The following WDPCP variants were observed in gnomAD, a reference collection of about 807,000 sequenced individuals.
The protein encoded by WDPCP is WD repeat containing planar cell polarity effector, also known as WD repeat-containing and planar cell polarity effector protein fritz homolog.
WDPCP carries 71 observed loss-of-function variants against 93.1 expected under a neutral mutation model. That is an observed-to-expected ratio of 0.76 (90% CI 0.63 to 0.93). WDPCP has a LOEUF of 0.93. WDPCP is among the 40% of genes least tolerant of loss of function. The pLI is 0.00. For synonymous variants in WDPCP, 315 were observed against 315.0 expected, an observed-to-expected ratio of 1.00 and a Z score of 0.00; for missense variants, 844 against 887.4, an observed-to-expected ratio of 0.95 and a Z score of 0.62.
Position 63,191,470 on chromosome 2 carries a change from T to TA in WDPCP, c.1916-16639dup, listed in dbSNP as rs540242699. 1.4e-4 allele frequency among the ~76,000 whole-genome samples: 21 copies of TA among 152,238 alleles called. No individual in the cohort carries two copies. In the East Asian group the frequency reaches 1.7e-3, roughly 13 times the overall value. ...GTGCAATGGAAGCTACCCTAATTCA[T>TA]AAAAAAATGGAGGGATTTAGCATAA... On this transcript the variant is annotated intron_variant, in intron 14 of 17. Transcript: ENST00000272321.
chr2:63,177,134 C>T (rs1006117742), intron 14 of WDPCP, among the ~76,000 whole-genome samples: 1 of 152,112 alleles, frequency 6.6e-6, no homozygotes, highest in African/African-American at 2.4e-5. Flanking sequence ...TGTGTTTATG[C>T]CAGTACTAAT....
chr2:63,204,601 C>T lies in WDPCP; in HGVS notation c.1916-29769G>A, dbSNP rs895121307. 5.3e-5 allele frequency among the ~76,000 whole-genome samples: 8 copies of T among 152,080 alleles called. No individual in the cohort carries two copies. The East Asian group carries it at 9.7e-4, about 18-fold the overall frequency. On this transcript the variant is annotated intron_variant, in intron 14 of 17. Transcript: ENST00000272321. Reference sequence around the variant, plus strand: ...AGGTGATCTGCCCGCCTCAGCCTCCCGAAGTGTTGGGATGACAGGCATGAG... The same window carrying T: ...AGGTGATCTGCCCGCCTCAGCCTCCTGAAGTGTTGGGATGACAGGCATGAG...
intron 14 of WDPCP, among the ~76,000 whole-genome samples, chr2:63,231,633 G>A (rs1226668781): frequency 1.3e-5 from 2 of 152,086 alleles, no homozygotes; most frequent in South Asian, 2.1e-4. Flanking sequence ...GGGATGTGAA[G>A]GACCTCTTCA....
At chr2:63,308,743 G>C (rs1016566376) in intron 13 of WDPCP, among the ~76,000 whole-genome samples, 1 of 152,112 alleles carries the variant, frequency 6.6e-6, no homozygotes. Flanking sequence ...AGGCCTGTCA[G>C]GGGGTCGGGG....
At chr2:63,734,456 A>G (rs981478709) in intron 2 of WDPCP, among the ~76,000 whole-genome samples, 1 of 152,190 alleles carries the variant, frequency 6.6e-6, no homozygotes, top group Non-Finnish European at 1.5e-5. Flanking sequence ...CTATTTAGGT[A>G]CACATTTTCC....
At position 63,430,446 on chromosome 2, in the gene WDPCP, T is replaced by C. The variant is rs536704382; in HGVS notation, c.825+3299A>G. On this transcript the variant is annotated intron_variant, in intron 9 of 17. Coordinates refer to ENST00000272321, the MANE Select transcript of WDPCP (RefSeq NM_015910.7). ...ACAACTACCATGTTATATGTGATGA[T>C]CTACATAGAGAACATTAAAATATAT... Among the ~76,000 whole-genome samples the C allele has an allele frequency of 2.0e-3, 300 of 152,352 alleles. 2 individuals carry two copies. Among genetic ancestry groups the C allele is most frequent in the African/African-American group, 6.6e-3 (275 of 41,584 alleles).
intron 14 of WDPCP, among the ~76,000 whole-genome samples, chr2:63,207,770 T>C (rs1173756238): frequency 1.3e-5 from 2 of 152,174 alleles, no homozygotes; most frequent in Non-Finnish European, 2.9e-5. Context: ...ATAAAGTTTT[T>C]TTCTATTTCA....
chr2:63,809,904 T>G (rs1396045861), intron 2 of WDPCP, among the ~76,000 whole-genome samples: 1 of 151,214 alleles, frequency 6.6e-6, no homozygotes, highest in Non-Finnish European at 1.5e-5. Flanking sequence ...CCAAGAATGA[T>G]CAATAAAAAA....
intron 6 of WDPCP, among the ~76,000 whole-genome samples, chr2:63,467,832 G>A (rs914486433): frequency 2.0e-5 from 3 of 150,176 alleles, no homozygotes; most frequent in Non-Finnish European, 4.4e-5. Flanking sequence ...TCAAGGGCAT[G>A]ATATTAAACT....
chr2:63,730,206 ATT>A (rs796496113), intron 2 of WDPCP, among the ~76,000 whole-genome samples: 5 of 144,974 alleles, frequency 3.4e-5, no homozygotes, highest in Admixed American at 6.9e-5. Flanking sequence ...TGTTATTCTC[ATT>A]TTTTTTTTTT....
At chr2:63,778,413 T>A (rs2103966236) in intron 2 of WDPCP, among the ~76,000 whole-genome samples, 1 of 152,254 alleles carries the variant, frequency 6.6e-6, no homozygotes, top group South Asian at 2.1e-4. Context: ...TTCACCATCT[T>A]GGCCAAGCTG....
intron 3 of WDPCP, among the ~76,000 whole-genome samples, chr2:63,644,588 C>T (rs1429178833): frequency 6.6e-6 from 1 of 152,070 alleles, no homozygotes; most frequent in Non-Finnish European, 1.5e-5. Flanking sequence ...GATTGGTATT[C>T]GTTTTTCATG....
the WDPCP span, among the ~76,000 whole-genome samples, chr2:63,836,372 A>C: frequency 1.3e-5 from 2 of 152,346 alleles, no homozygotes; most frequent in Non-Finnish European, 2.9e-5. Flanking sequence ...CATATAGTTG[A>C]AAGAGGCAGA....
chr2:63,625,611 C>T (rs1709801834), intron 3 of WDPCP, among the ~76,000 whole-genome samples: 1 of 152,098 alleles, frequency 6.6e-6, no homozygotes, highest in African/African-American at 2.4e-5. Context: ...TCTAGGAATA[C>T]AACTTACAAG....
At chr2:63,244,959 C>T (rs1320812845) in intron 14 of WDPCP, among the ~76,000 whole-genome samples, 1 of 152,002 alleles carries the variant, frequency 6.6e-6, no homozygotes, top group Admixed American at 6.6e-5. Context: ...ATCCTCAATC[C>T]AAAAATCCAA....
intron 3 of WDPCP, among the ~76,000 whole-genome samples, chr2:63,617,533 C>T (rs958496968): frequency 2.0e-5 from 3 of 152,022 alleles, no homozygotes; most frequent in Non-Finnish European, 4.4e-5. Flanking sequence ...ATATTGTCTG[C>T]GGTTACAGAA....
chr2:63,513,802 C>CACA lies in WDPCP; in HGVS notation c.76-20865_76-20863dup, dbSNP rs561702110. Among the ~76,000 whole-genome samples the CACA allele has an allele frequency of 6.8e-4, 104 of 152,324 alleles. 4 individuals are homozygous for CACA. The East Asian group carries it at 0.013, about 19-fold the overall frequency. ...CCCACTATGTCCAGTCACATTTCTA[C>CACA]ACAACTGTCCATTCTTCATTGAACC... On this transcript the variant is annotated intron_variant, in intron 1 of 17. Transcript: ENST00000272321.
At chr2:63,227,165 T>C (rs937875847) in intron 14 of WDPCP, among the ~76,000 whole-genome samples, 7 of 151,984 alleles carry the variant, frequency 4.6e-5, no homozygotes, top group African/African-American at 1.7e-4. Context: ...CAATGTTTTA[T>C]CCTCTATCTC....
At chr2:63,676,225 A>C (rs1710402043) in intron 2 of WDPCP, among the ~76,000 whole-genome samples, 1 of 152,218 alleles carries the variant, frequency 6.6e-6, no homozygotes, top group South Asian at 2.1e-4. Context: ...AAGTTTACAA[A>C]GGGGAGCCGG....
Sources: gnomAD v4.1 joint callset for allele counts (sites outside exome capture counted in the v4.1 genomes callset) on GRCh38, gnomAD v4.1.1 for gene constraint, MANE v1.5 for transcripts, NCBI Gene and HGNC (gene_info 2026-07-23, HGNC 2026-07-21) for gene names.